DDX6: variants seen among roughly 807,000 people sequenced by gnomAD.
DDX6 encodes the protein probable ATP-dependent RNA helicase DDX6.
Under a neutral mutation model 60.6 loss-of-function variants are expected in DDX6, and 7 were observed. The observed-to-expected ratio is 0.12, with a 90% CI of 0.07 to 0.22. The LOEUF (loss-of-function observed/expected upper bound fraction) is 0.22, where lower values mean the gene tolerates loss of function less well. Among genes scored for constraint, DDX6 ranks in the 10% least tolerant of loss-of-function variants. DDX6 has a pLI of 1.00. For synonymous variants in DDX6, 207 were observed against 201.0 expected (o/e 1.03, Z -0.25); for missense variants, 270 against 589.9 (o/e 0.46, Z 5.62).
intron 4 of DDX6, among the ~76,000 whole-genome samples, chr11:118,769,662 G>A (rs1171960418): frequency 2.6e-4 from 9 of 34,976 alleles, no homozygotes; most frequent in Admixed American, 1.6e-3. Context: ...ACAATAGATC[G>A]TTGAAAAAGC....
chr11:118,774,934 G>A (rs1555163336), intron 4 of DDX6, among the ~76,000 whole-genome samples: 1 of 152,138 alleles, frequency 6.6e-6, no homozygotes, highest in Non-Finnish European at 1.5e-5. Context: ...AGATAAGAAT[G>A]GAAAGAATAC....
rs1860628466 is a variant in DDX6 at position 118,748,259 on chromosome 11, C to T, written c.*3846G>A. The T allele has an allele frequency of 6.6e-6, 1 of 152,128 alleles. No individual in the cohort carries two copies. The highest frequency in any genetic ancestry group is 2.1e-4 in the South Asian group (1 of 4,826). 9.4% of individuals were successfully genotyped at this position (152,128 alleles called of 1,614,324 possible). On this transcript the variant is annotated 3_prime_UTR_variant, in exon 14 of 14. Coordinates refer to ENST00000534980, the MANE Select transcript of DDX6 (RefSeq NM_004397.6). ...TCTGTCAGCTGTGGATGGGCAGAGTCCAGGTGCCAGGCTAGCTCCCTCTGA... is the reference window on the plus strand; with the variant it reads ...TCTGTCAGCTGTGGATGGGCAGAGTTCAGGTGCCAGGCTAGCTCCCTCTGA...
Position 118,783,993 on chromosome 11 carries a change from C to T in DDX6, c.200+2059G>A, listed in dbSNP as rs1218249980. Among the ~76,000 whole-genome samples the T allele has an allele frequency of 2.7e-5, 4 of 145,898 alleles. No homozygotes were observed. The East Asian group carries it at 8.1e-4, about 29-fold the overall frequency. On this transcript the variant is annotated intron_variant, in intron 2 of 13. Transcript: ENST00000534980. ...GTCCCCACTATTTGTAGGGCTGAGGCAGGAGGATCACTTGAGCCTGGGAAG... is the reference window on the plus strand; with the variant it reads ...GTCCCCACTATTTGTAGGGCTGAGGTAGGAGGATCACTTGAGCCTGGGAAG...
At chr11:118,752,805 G>C (rs1860822413) in intron 13 of DDX6, among the ~76,000 whole-genome samples, 1 of 152,014 alleles carries the variant, frequency 6.6e-6, no homozygotes, top group Non-Finnish European at 1.5e-5. Context: ...AAAGATGATA[G>C]AGGCAGGGCG....
intron 13 of DDX6, among the ~76,000 whole-genome samples, chr11:118,752,336 C>T (rs925316051): frequency 6.6e-6 from 1 of 151,966 alleles, no homozygotes; most frequent in Admixed American, 6.6e-5. Flanking sequence ...GTAACAAATC[C>T]GGGGGAAAAA....
At chr11:118,789,186 C>G (rs535221724) in intron 1 of DDX6, 18 of 151,388 alleles carry the variant, frequency 1.2e-4, no homozygotes, top group African/African-American at 4.4e-4. Context: ...AGCGATTCCC[C>G]TGTCTCAGCC....
chr11:118,773,826 G>A (rs558417265), intron 4 of DDX6, among the ~76,000 whole-genome samples: 8 of 149,146 alleles, frequency 5.4e-5, no homozygotes, highest in South Asian at 2.1e-4. Context: ...CTGTCTCCCC[G>A]ACCCCACCCA....
At chr11:118,761,363 T>C (rs1283753845) in intron 7 of DDX6, among the ~76,000 whole-genome samples, 1 of 152,248 alleles carries the variant, frequency 6.6e-6, no homozygotes, top group Non-Finnish European at 1.5e-5. Context: ...ACGCCTGTAA[T>C]CCCAGCACTC....
intron 9 of DDX6, among the ~76,000 whole-genome samples, chr11:118,757,584 TA>T (rs1487100904): frequency 6.8e-6 from 1 of 146,776 alleles, no homozygotes; most frequent in African/African-American, 2.4e-5. Flanking sequence ...CATTTAAAAA[TA>T]TTTTATTTTA....
At chr11:118,766,385 G>A (rs1555161282) in intron 5 of DDX6, among the ~76,000 whole-genome samples, 2 of 152,068 alleles carry the variant, frequency 1.3e-5, no homozygotes, top group African/African-American at 4.8e-5. Flanking sequence ...ATTAAGCTAT[G>A]ATCATGACAC....
Position 118,748,429 on chromosome 11 carries a change from A to G in DDX6, c.*3676T>C, listed in dbSNP as rs1167642346. On this transcript the variant is annotated 3_prime_UTR_variant, in exon 14 of 14. Coordinates refer to ENST00000534980, the MANE Select transcript of DDX6 (RefSeq NM_004397.6). Reference sequence around the variant, plus strand: ...ATACAAAGTACAACTACAATCTCACAGAAGTCCACTAAAGTTCACCAAAAA... The same window carrying G: ...ATACAAAGTACAACTACAATCTCACGGAAGTCCACTAAAGTTCACCAAAAA... 2.6e-5 allele frequency: 4 copies of G among 152,228 alleles called. No individual in the cohort carries two copies. Among genetic ancestry groups the G allele is most frequent in the Non-Finnish European group, 5.9e-5 (4 of 68,046 alleles). 9.4% of individuals were successfully genotyped at this position (152,228 alleles called of 1,614,324 possible).
chr11:118,753,687 T>C (rs1346009165), intron 13 of DDX6, among the ~76,000 whole-genome samples: 5 of 152,088 alleles, frequency 3.3e-5, no homozygotes, highest in African/African-American at 1.2e-4. Context: ...TGATTAAACA[T>C]TTGCTAATAA....
chr11:118,755,804 A>G (rs1555158669), intron 11 of DDX6, among the ~76,000 whole-genome samples: 1 of 151,888 alleles, frequency 6.6e-6, no homozygotes, highest in Non-Finnish European at 1.5e-5. Context: ...ACCTGAGGTC[A>G]GGAGTTCGAG....
At chr11:118,764,286 C>T (rs1565566449) in intron 6 of DDX6, among the ~76,000 whole-genome samples, 1 of 152,128 alleles carries the variant, frequency 6.6e-6, no homozygotes, top group African/African-American at 2.4e-5. Context: ...TTTTTCCACT[C>T]GGCAATGTAT....
At chr11:118,753,224 C>T (rs782201383) in intron 13 of DDX6, among the ~76,000 whole-genome samples, 2 of 151,604 alleles carry the variant, frequency 1.3e-5, no homozygotes, top group Non-Finnish European at 2.9e-5. Context: ...GACACGGGGT[C>T]TCACCAGGTT....
At chr11:118,777,811 C>T (rs1202578416) in intron 4 of DDX6, among the ~76,000 whole-genome samples, 1 of 150,982 alleles carries the variant, frequency 6.6e-6, no homozygotes, top group Non-Finnish European at 1.5e-5. Context: ...ACTGCTTGAA[C>T]CCAGGATGGG....
chr11:118,786,419 G>A lies in DDX6; in HGVS notation c.-168C>T, dbSNP rs1220552151. ...GGCAAGCACCTGTAAGTCTCTGAAC[G>A]GTAAGCAGCAGTAACTTGCTCTCTT... On this transcript the variant is annotated 5_prime_UTR_variant, in exon 2 of 14. Transcript: ENST00000534980. 2.0e-6 allele frequency: 1 copy of A among 488,910 alleles called. No homozygotes were observed. The highest frequency in any genetic ancestry group is 3.5e-6 in the Non-Finnish European group (1 of 286,384). The allele number at this position is 488,910 out of a possible 1,614,324, so 30.3% of individuals were successfully genotyped here.
At chr11:118,789,930 A>C (rs1001121753) in intron 1 of DDX6, 1 of 146,390 alleles carries the variant, frequency 6.8e-6, no homozygotes, top group Non-Finnish European at 1.5e-5. Flanking sequence ...AAAACAAAAA[A>C]CAAAAAAACA....
In DDX6 at chr11:118,786,265, C is replaced by A; in HGVS notation, c.-14G>T. Reference sequence around the variant, plus strand: ...GGCCGTGCTCATGCTGTTTTAATTGCAAAGGTCTTTCAAACTTCAAAACTT... The same window carrying A: ...GGCCGTGCTCATGCTGTTTTAATTGAAAAGGTCTTTCAAACTTCAAAACTT... On this transcript the variant is annotated 5_prime_UTR_variant, in exon 2 of 14. Transcript: ENST00000534980. 2 of 1,583,802 alleles carry A rather than the reference C, an allele frequency of 1.3e-6. No homozygotes were observed. Among genetic ancestry groups the A allele is most frequent in the Admixed American group, 1.8e-5 (1 of 54,458 alleles).
Sources: gnomAD v4.1 joint callset for allele counts (sites outside exome capture counted in the v4.1 genomes callset) on GRCh38, gnomAD v4.1.1 for gene constraint, MANE v1.5 for transcripts, NCBI Gene and HGNC (gene_info 2026-07-23, HGNC 2026-07-21) for gene names.